The following ATP2B2 variants were observed in gnomAD, a reference collection of about 807,000 sequenced individuals.
ATP2B2 encodes plasma membrane calcium-transporting ATPase 2.
ATP2B2 carries 15 observed loss-of-function variants against 120.0 expected under a neutral mutation model. The observed-to-expected ratio is 0.12, with a 90% confidence interval of 0.08 to 0.19. ATP2B2 has a LOEUF of 0.19. Ranked by LOEUF, ATP2B2 falls within the 10% of genes least tolerant of loss-of-function variation. ATP2B2 has a pLI of 1.00. For synonymous variants in ATP2B2, 694 were observed against 700.3 expected, an observed-to-expected ratio of 0.99 and a Z score of 0.14; for missense variants, 1,045 against 1,719.8, an observed-to-expected ratio of 0.61 and a Z score of 6.94.
chr3:10,652,070 G>A (rs1019860767), intron 1 of ATP2B2, among the ~76,000 whole-genome samples: 1 of 152,156 alleles, frequency 6.6e-6, no homozygotes, highest in African/African-American at 2.4e-5. Context: ...TGGAGCCTGA[G>A]GCTTCAAGGG....
intron 1 of ATP2B2, among the ~76,000 whole-genome samples, chr3:10,457,472 A>T (rs908515400): frequency 2.0e-5 from 3 of 151,730 alleles, no homozygotes; most frequent in African/African-American, 7.3e-5. Flanking sequence ...TCTATGATGT[A>T]TCAGTGGACA....
At chr3:10,419,673 T>C (rs1474890789) in intron 2 of ATP2B2, among the ~76,000 whole-genome samples, 3 of 152,198 alleles carry the variant, frequency 2.0e-5, no homozygotes, top group Non-Finnish European at 4.4e-5. Flanking sequence ...GCTTTGTAGA[T>C]GGTAAAGTTG....
intron 1 of ATP2B2, among the ~76,000 whole-genome samples, chr3:10,638,590 T>C (rs939596667): frequency 2.0e-5 from 3 of 152,312 alleles, no homozygotes; most frequent in African/African-American, 7.2e-5. Context: ...AATAGCAAGA[T>C]GATAGATTTA....
chr3:10,592,047 G>A (rs2068657121), intron 2 of ATP2B2, among the ~76,000 whole-genome samples: 1 of 152,196 alleles, frequency 6.6e-6, no homozygotes, highest in Admixed American at 6.5e-5. Flanking sequence ...TCTGAGGCCT[G>A]CACTGGTCCA....
chr3:10,585,951 T>TATCTCCA (rs2068501452), intron 2 of ATP2B2, among the ~76,000 whole-genome samples: 1 of 152,220 alleles, frequency 6.6e-6, no homozygotes, highest in South Asian at 2.1e-4. Context: ...GGCTATCTCC[T>TATCTCCA]ATCTCCAATC....
At position 10,588,348 on chromosome 3, in the gene ATP2B2, G is replaced by A. The variant is rs141353234; in HGVS notation, c.-415+31569C>T. Among the ~76,000 whole-genome samples the A allele has an allele frequency of 9.9e-5, 15 of 152,246 alleles. 1 individual carries two copies. In the East Asian group the frequency reaches 2.9e-3, roughly 29 times the overall value. On this transcript the variant is annotated intron_variant, in intron 2 of 21. Coordinates refer to the ATP2B2 transcript ENST00000646379. Reference sequence around the variant, plus strand: ...GACTTGCTGGTCTAGAGGAGGAGAGGGAATATTTGTAAAGGATCAGTCATA... The same window carrying A: ...GACTTGCTGGTCTAGAGGAGGAGAGAGAATATTTGTAAAGGATCAGTCATA...
intron 2 of ATP2B2, among the ~76,000 whole-genome samples, chr3:10,582,600 G>C (rs1217776889): frequency 6.6e-6 from 1 of 152,272 alleles, no homozygotes; most frequent in Non-Finnish European, 1.5e-5. Flanking sequence ...CAGTTGGGCA[G>C]TGAGGGCCTC....
intron 1 of ATP2B2, among the ~76,000 whole-genome samples, chr3:10,663,780 C>T (rs1462332700): frequency 6.6e-6 from 1 of 152,156 alleles, no homozygotes; most frequent in Non-Finnish European, 1.5e-5. Context: ...GCAAGGACCA[C>T]CTCCCAGACA....
At chr3:10,494,904 T>C (rs1553618863) in intron 1 of ATP2B2, among the ~76,000 whole-genome samples, 1 of 152,146 alleles carries the variant, frequency 6.6e-6, no homozygotes, top group Non-Finnish European at 1.5e-5. Flanking sequence ...AAAGGAACAG[T>C]AACTCACTGA....
chr3:10,484,189 C>A (rs2065532516), intron 1 of ATP2B2, among the ~76,000 whole-genome samples: 1 of 152,090 alleles, frequency 6.6e-6, no homozygotes, highest in African/African-American at 2.4e-5. Flanking sequence ...AGGAGGGGTG[C>A]AGAAAAACTG....
intron 1 of ATP2B2, among the ~76,000 whole-genome samples, chr3:10,492,756 C>T (rs758225666): frequency 1.6e-4 from 25 of 152,196 alleles, no homozygotes; most frequent in Non-Finnish European, 3.4e-4. Flanking sequence ...TCTAGGCAAC[C>T]TCTCCACTGT....
At chr3:10,590,743 G>A (rs1018753145) in intron 2 of ATP2B2, among the ~76,000 whole-genome samples, 1 of 152,224 alleles carries the variant, frequency 6.6e-6, no homozygotes, top group African/African-American at 2.4e-5. Flanking sequence ...AGAGGAAGGA[G>A]GCCAGTTGTG....
intron 1 of ATP2B2, among the ~76,000 whole-genome samples, chr3:10,471,195 C>T (rs1317883104): frequency 6.6e-6 from 1 of 152,240 alleles, no homozygotes; most frequent in East Asian, 1.9e-4. Context: ...AGCACAGTGT[C>T]TCCAGCGCGC....
At chr3:10,522,696 G>A (rs1306825453) in intron 3 of ATP2B2, among the ~76,000 whole-genome samples, 1 of 152,234 alleles carries the variant, frequency 6.6e-6, no homozygotes. Context: ...ATCTACAGCT[G>A]ATGGTGCACT....
chr3:10,382,345 T>C (rs1298428817), intron 8 of ATP2B2, among the ~76,000 whole-genome samples: 3 of 150,092 alleles, frequency 2.0e-5, no homozygotes, highest in Non-Finnish European at 3.0e-5. Context: ...CCATGATGTA[T>C]AATTTTTTTT....
At chr3:10,574,880 G>T (rs371118302) in intron 2 of ATP2B2, among the ~76,000 whole-genome samples, 22 of 152,222 alleles carry the variant, frequency 1.4e-4, no homozygotes, top group Admixed American at 5.2e-4. Flanking sequence ...TGAGGAGGGG[G>T]ATATGAGGGT....
intron 11 of ATP2B2, among the ~76,000 whole-genome samples, chr3:10,374,900 G>A (rs2061340321): frequency 6.6e-6 from 1 of 151,962 alleles, no homozygotes; most frequent in Admixed American, 6.5e-5. Context: ...TTTTGTTTTT[G>A]GCTTACCCCT....
Position 10,326,979 on chromosome 3 carries a change from G to A in ATP2B2, c.*1835C>T, listed in dbSNP as rs1187080010. The A allele has an allele frequency of 2.3e-5, 9 of 398,222 alleles. 1 individual carries two copies. The Middle Eastern group carries it at 3.8e-3, about 167-fold the overall frequency. The allele number at this position is 398,222 out of a possible 1,614,324, so 24.7% of individuals were successfully genotyped here. ...GAGGAATGGATTTTGCAAGAGAGGC[G>A]GAAAGTGTTTGGTTTTCCTCGAAGC... On this transcript the variant is annotated 3_prime_UTR_variant, in exon 23 of 23. Coordinates refer to ENST00000360273, the MANE Select transcript of ATP2B2 (RefSeq NM_001001331.4).
At chr3:10,541,697 T>C (rs879389948) in intron 2 of ATP2B2, among the ~76,000 whole-genome samples, 19 of 152,350 alleles carry the variant, frequency 1.2e-4, no homozygotes, top group Non-Finnish European at 2.4e-4. Flanking sequence ...TGGTCTACCT[T>C]AGCATATGTT....
Sources: allele counts gnomAD v4.1 joint callset (sites outside exome capture counted in the v4.1 genomes callset), GRCh38; gene constraint gnomAD v4.1.1; transcripts MANE v1.5; gene names NCBI Gene and HGNC (gene_info 2026-07-23, HGNC 2026-07-21).